Variants in EPHA6 observed in about 807,000 individuals in gnomAD.
The protein encoded by EPHA6 is ephrin type-A receptor 6.
Under a neutral mutation model 112.0 loss-of-function variants are expected in EPHA6, and 50 were observed. That is an observed-to-expected ratio of 0.45 (90% CI 0.36 to 0.56). The LOEUF is 0.56. Ranked by LOEUF, EPHA6 falls within the 20% of genes least tolerant of loss-of-function variation. The pLI is 0.00. For missense variants in EPHA6, 1,280 were observed against 1,417.4 expected, an observed-to-expected ratio of 0.90 and a Z score of 1.56; for synonymous variants, 529 against 490.7, an observed-to-expected ratio of 1.08 and a Z score of -1.03.
At chr3:97,103,232 A>C (rs1184960955) in intron 3 of EPHA6, among the ~76,000 whole-genome samples, 1 of 152,126 alleles carries the variant, frequency 6.6e-6, no homozygotes, top group African/African-American at 2.4e-5. Flanking sequence ...ACCATCCAGA[A>C]TGGTATTTCC....
At chr3:97,646,357 T>C in intron 14 of EPHA6, 1 of 1,255,784 alleles carries the variant, frequency 8.0e-7, no homozygotes, top group Non-Finnish European at 1.0e-6. Flanking sequence ...ATGTAATATA[T>C]AAGACAGTAT....
Position 96,979,134 on chromosome 3 carries a change from G to A in EPHA6, c.451-8196G>A, listed in dbSNP as rs545804664. Among the ~76,000 whole-genome samples, 17 of 152,028 alleles carry A rather than the reference G, an allele frequency of 1.1e-4. No homozygotes were observed. In the East Asian group the frequency reaches 2.9e-3, roughly 26 times the overall value. ...GCAGGTTTGTTACATATGTATATAT[G>A]TGCCATGTTTGTGTGCTGCACCCAT... is the stretch of plus-strand genomic sequence containing the variant. On this transcript the variant is annotated intron_variant, in intron 2 of 17. Transcript: ENST00000389672.
intron 7 of EPHA6, among the ~76,000 whole-genome samples, chr3:97,452,150 AC>A (rs1253951331): frequency 1.3e-5 from 2 of 151,766 alleles, no homozygotes; most frequent in Non-Finnish European, 2.9e-5. Flanking sequence ...AATTATGGCG[AC>A]CCTCTTGCAC....
intron 5 of EPHA6, among the ~76,000 whole-genome samples, chr3:97,347,190 G>C (rs2083576042): frequency 6.6e-6 from 1 of 152,006 alleles, no homozygotes; most frequent in South Asian, 2.1e-4. Flanking sequence ...TCACTTTCTT[G>C]TTTCTCCATC....
chr3:97,590,853 A>G (rs2093537131), intron 11 of EPHA6, among the ~76,000 whole-genome samples: 1 of 152,198 alleles, frequency 6.6e-6, no homozygotes, highest in African/African-American at 2.4e-5. Context: ...TCAATGATGC[A>G]CCTTCATTAC....
intron 3 of EPHA6, among the ~76,000 whole-genome samples, chr3:97,123,467 C>A (rs1285072928): frequency 1.3e-5 from 2 of 151,990 alleles, no homozygotes; most frequent in African/African-American, 4.8e-5. Context: ...GGAATTTAAG[C>A]CAATAAGCTA....
intron 3 of EPHA6, among the ~76,000 whole-genome samples, chr3:97,070,588 G>A (rs886940944): frequency 9.2e-5 from 14 of 152,234 alleles, no homozygotes; most frequent in African/African-American, 3.4e-4. Flanking sequence ...GAATTATGTA[G>A]TGTTCTTACC....
chr3:97,533,140 T>G (rs1241749318), intron 11 of EPHA6, among the ~76,000 whole-genome samples: 1 of 151,918 alleles, frequency 6.6e-6, no homozygotes, highest in Non-Finnish European at 1.5e-5. Context: ...CTCTAAGAAA[T>G]AGATTGCTAT....
intron 10 of EPHA6, among the ~76,000 whole-genome samples, chr3:97,494,491 A>G (rs948638818): frequency 6.6e-6 from 1 of 152,130 alleles, no homozygotes; most frequent in African/African-American, 2.4e-5. Context: ...TACCTTCGTG[A>G]GCTGTAATTT....
intron 14 of EPHA6, among the ~76,000 whole-genome samples, chr3:97,687,566 T>C (rs547165270): frequency 6.6e-6 from 1 of 152,342 alleles, no homozygotes; most frequent in South Asian, 2.1e-4. Flanking sequence ...AATTAAGTTA[T>C]TTTTATACTG....
At chr3:96,871,301 T>C (rs1295330541) in intron 2 of EPHA6, among the ~76,000 whole-genome samples, 1 of 152,032 alleles carries the variant, frequency 6.6e-6, no homozygotes, top group Non-Finnish European at 1.5e-5. Context: ...ATAGTACTCA[T>C]ATCATTAGAT....
intron 2 of EPHA6, among the ~76,000 whole-genome samples, chr3:96,951,494 C>A (rs1291206186): frequency 6.6e-6 from 1 of 152,048 alleles, no homozygotes. Context: ...GATATATTTT[C>A]TATTAAGAAT....
At chr3:96,974,831 A>G (rs2042458682) in intron 2 of EPHA6, among the ~76,000 whole-genome samples, 1 of 152,132 alleles carries the variant, frequency 6.6e-6, no homozygotes. Context: ...CCATATAACA[A>G]TTTATTCATT....
intron 4 of EPHA6, among the ~76,000 whole-genome samples, chr3:97,229,526 A>G (rs2078459620): frequency 6.6e-6 from 1 of 152,008 alleles, no homozygotes; most frequent in Admixed American, 6.6e-5. Flanking sequence ...TTTATCAGTT[A>G]CATAAGTCAG....
rs1335768392 is a variant in EPHA6 at position 96,987,240 on chromosome 3, T to C, written c.451-90T>C. 11 of 1,139,872 alleles carry C rather than the reference T, an allele frequency of 9.7e-6. No individual in the cohort carries two copies. In the East Asian group the frequency reaches 2.1e-4, roughly 22 times the overall value. 70.6% of individuals were successfully genotyped at this position (1,139,872 alleles called of 1,614,324 possible). ...TTTGTATCCTTTTAATTCATTTTTATTTTGGTAAAACAAAAAAAATTGTAA... is the reference window on the plus strand; with the variant it reads ...TTTGTATCCTTTTAATTCATTTTTACTTTGGTAAAACAAAAAAAATTGTAA... On this transcript the variant is annotated intron_variant, in intron 2 of 17. Transcript: ENST00000389672.
At chr3:97,728,885 C>A (rs559838616) in intron 15 of EPHA6, among the ~76,000 whole-genome samples, 2 of 152,216 alleles carry the variant, frequency 1.3e-5, no homozygotes, top group East Asian at 3.9e-4. Flanking sequence ...AACTTTTTAA[C>A]ATATGAGAGT....
intron 2 of EPHA6, among the ~76,000 whole-genome samples, chr3:96,868,245 T>C (rs1206619719): frequency 6.6e-6 from 1 of 151,044 alleles, no homozygotes; most frequent in East Asian, 1.9e-4. Context: ...AATGGATAGG[T>C]GGTATAAATA....
chr3:97,398,686 T>C (rs947800156), intron 5 of EPHA6, among the ~76,000 whole-genome samples: 3 of 151,548 alleles, frequency 2.0e-5, no homozygotes, highest in Non-Finnish European at 4.4e-5. Flanking sequence ...AATTGTGTTC[T>C]TTGGTTACCC....
chr3:97,499,086 A>G (rs774281314), intron 10 of EPHA6, among the ~76,000 whole-genome samples: 2 of 152,216 alleles, frequency 1.3e-5, no homozygotes, highest in Non-Finnish European at 2.9e-5. Context: ...TTTAGAAAAG[A>G]TATACAAACT....
Sources: allele counts gnomAD v4.1 joint callset (sites outside exome capture counted in the v4.1 genomes callset), GRCh38; gene constraint gnomAD v4.1.1; transcripts MANE v1.5; gene names NCBI Gene and HGNC (gene_info 2026-07-23, HGNC 2026-07-21).